The following SGMS1 variants were observed in gnomAD, a reference collection of about 807,000 sequenced individuals.
SGMS1 encodes the protein phosphatidylcholine:ceramide cholinephosphotransferase 1.
In SGMS1, 13 loss-of-function variants were observed where a neutral mutation model predicts 46.2. The ratio of observed to expected loss-of-function variants is 0.28; its 90% CI spans 0.18 to 0.45. The LOEUF (loss-of-function observed/expected upper bound fraction) is 0.45, where lower values mean the gene tolerates loss of function less well. SGMS1 is among the 20% of genes least tolerant of loss of function. The pLI is 1.00. For missense variants in SGMS1, 324 were observed against 519.9 expected (o/e 0.62, Z 3.66); for synonymous variants, 203 against 187.8 (o/e 1.08, Z -0.66).
At chr10:50,558,722 C>T (rs776721349) in intron 2 of SGMS1, among the ~76,000 whole-genome samples, 1 of 152,190 alleles carries the variant, frequency 6.6e-6, no homozygotes, top group Non-Finnish European at 1.5e-5. Flanking sequence ...TCAGCCTACT[C>T]AACATGAAGA....
intron 6 of SGMS1, among the ~76,000 whole-genome samples, chr10:50,400,630 T>G (rs530992070): frequency 2.0e-5 from 3 of 151,756 alleles, no homozygotes; most frequent in East Asian, 1.9e-4. Flanking sequence ...AAAAAAAAAT[T>G]TTTTTACAGA....
At chr10:50,544,722 A>G (rs1244401830) in intron 2 of SGMS1, among the ~76,000 whole-genome samples, 1 of 152,214 alleles carries the variant, frequency 6.6e-6, no homozygotes, top group Non-Finnish European at 1.5e-5. Context: ...GGAAAAACAG[A>G]AAGTACAGTA....
At chr10:50,470,661 T>C (rs1837370434) in intron 3 of SGMS1, among the ~76,000 whole-genome samples, 1 of 152,038 alleles carries the variant, frequency 6.6e-6, no homozygotes, top group South Asian at 2.1e-4. Context: ...TTCACTACAC[T>C]ATATTCTTAC....
chr10:50,457,475 G>A (rs1360028762), intron 5 of SGMS1, among the ~76,000 whole-genome samples: 2 of 151,906 alleles, frequency 1.3e-5, no homozygotes, highest in Non-Finnish European at 2.9e-5. Context: ...TTGTTACACG[G>A]GTAGGTTGTG....
chr10:50,461,654 A>G (rs1422321260), intron 4 of SGMS1, among the ~76,000 whole-genome samples: 1 of 152,192 alleles, frequency 6.6e-6, no homozygotes, highest in Admixed American at 6.5e-5. Context: ...TCTCAGGACA[A>G]TCGTTAACTC....
intron 3 of SGMS1, among the ~76,000 whole-genome samples, chr10:50,493,419 T>TGATGAA (rs1007826445): frequency 6.6e-4 from 100 of 152,160 alleles, no homozygotes; most frequent in African/African-American, 2.1e-3. Context: ...AAAGATTTCA[T>TGATGAA]GATGAAGATG....
chr10:50,567,250 T>C (rs887276584), intron 2 of SGMS1, among the ~76,000 whole-genome samples: 1 of 152,208 alleles, frequency 6.6e-6, no homozygotes, highest in Non-Finnish European at 1.5e-5. Context: ...CGGCCTATAC[T>C]GTATTTTTTA....
chr10:50,542,706 C>G (rs1838065205), intron 2 of SGMS1, among the ~76,000 whole-genome samples: 1 of 147,386 alleles, frequency 6.8e-6, no homozygotes, highest in African/African-American at 2.5e-5. Context: ...ATATATATAA[C>G]CTATAAATAT....
intron 3 of SGMS1, among the ~76,000 whole-genome samples, chr10:50,489,960 T>G (rs563206622): frequency 6.6e-6 from 1 of 152,138 alleles, no homozygotes; most frequent in South Asian, 2.1e-4. Context: ...GGTGAGAGAA[T>G]GAGACTCCAT....
intron 6 of SGMS1, among the ~76,000 whole-genome samples, chr10:50,428,753 C>G (rs1212010292): frequency 6.6e-6 from 1 of 152,178 alleles, no homozygotes; most frequent in East Asian, 1.9e-4. Context: ...CAGTCACCTG[C>G]AAAATGCAGA....
At chr10:50,530,006 C>A (rs1340593879) in intron 2 of SGMS1, among the ~76,000 whole-genome samples, 1 of 152,218 alleles carries the variant, frequency 6.6e-6, no homozygotes, top group Non-Finnish European at 1.5e-5. Context: ...AGTGAAAAAG[C>A]AGCACAGGCC....
At chr10:50,382,403 CA>C (rs1023311346) in intron 6 of SGMS1, among the ~76,000 whole-genome samples, 6 of 152,034 alleles carry the variant, frequency 3.9e-5, no homozygotes, top group Non-Finnish European at 5.9e-5. Context: ...GGTCTACATA[CA>C]AAACTGATAC....
chr10:50,393,459 T>C (rs907969234), intron 6 of SGMS1, among the ~76,000 whole-genome samples: 1 of 152,154 alleles, frequency 6.6e-6, no homozygotes, highest in African/African-American at 2.4e-5. Flanking sequence ...AACGGGAAGA[T>C]ACCTGCTAAA....
chr10:50,548,722 C>G (rs1325873696), intron 2 of SGMS1, among the ~76,000 whole-genome samples: 2 of 152,094 alleles, frequency 1.3e-5, no homozygotes, highest in African/African-American at 4.8e-5. Context: ...TCTAATTAAA[C>G]CAAAGAACTT....
Position 50,611,811 on chromosome 10 carries a change from C to T in SGMS1, c.-684+11896G>A, listed in dbSNP as rs534741921. ...TGCCTTTCCTCCACCCTTCCCTCTC[C>T]CCTCCTGGTTTCCTCAGGAGTAAAA... On this transcript the variant is annotated intron_variant, in intron 1 of 10. Transcript: ENST00000361781. Among the ~76,000 whole-genome samples, 4 of 152,260 alleles carry T rather than the reference C, an allele frequency of 2.6e-5. No homozygotes were observed. In the East Asian group the frequency reaches 5.8e-4, roughly 22 times the overall value.
intron 1 of SGMS1, among the ~76,000 whole-genome samples, chr10:50,598,037 A>T (rs1013914627): frequency 1.3e-5 from 2 of 151,506 alleles, no homozygotes; most frequent in African/African-American, 2.4e-5. Flanking sequence ...AGAAAAAAAA[A>T]TTCACAGAAG....
At chr10:50,586,098 G>A (rs899319262) in intron 2 of SGMS1, among the ~76,000 whole-genome samples, 1 of 152,136 alleles carries the variant, frequency 6.6e-6, no homozygotes, top group Non-Finnish European at 1.5e-5. Context: ...AAACAAATGA[G>A]CATGACTTTT....
chr10:50,611,541 A>G (rs4615973), intron 1 of SGMS1, among the ~76,000 whole-genome samples: 8,930 of 152,204 alleles, frequency 0.059, 739 homozygotes, highest in East Asian at 0.36. Context: ...CAGAAATTGC[A>G]TTACTACCTC....
At chr10:50,592,143 A>AC (rs1838547470) in intron 1 of SGMS1, among the ~76,000 whole-genome samples, 1 of 152,034 alleles carries the variant, frequency 6.6e-6, no homozygotes, top group Admixed American at 6.6e-5. Context: ...GAACACTTAG[A>AC]CCCCCAGGAA....
Sources: allele counts gnomAD v4.1 joint callset (sites outside exome capture counted in the v4.1 genomes callset), GRCh38; gene constraint gnomAD v4.1.1; transcripts MANE v1.5; gene names NCBI Gene and HGNC (gene_info 2026-07-23, HGNC 2026-07-21).